Variants in PACS1 observed in about 807,000 individuals in gnomAD.
PACS1 encodes phosphofurin acidic cluster sorting protein 1.
In PACS1, 24 loss-of-function variants were observed where a neutral mutation model predicts 115.0. The ratio of observed to expected loss-of-function variants is 0.21; its 90% CI spans 0.15 to 0.29. The LOEUF (loss-of-function observed/expected upper bound fraction) is 0.29, where lower values mean the gene tolerates loss of function less well. PACS1 is among the 10% of genes least tolerant of loss of function. The probability of loss-of-function intolerance (pLI) is 1.00; values close to 1 mark genes in which losing one functional copy is unlikely to be tolerated. For synonymous variants in PACS1, 453 were observed against 504.5 expected (o/e 0.90, Z 1.37); for missense variants, 838 against 1,251.2 (o/e 0.67, Z 4.98).
chr11:66,157,727 C>G (rs1859392425), intron 1 of PACS1, among the ~76,000 whole-genome samples: 1 of 152,064 alleles, frequency 6.6e-6, no homozygotes, highest in African/African-American at 2.4e-5. Flanking sequence ...TCTCTGCCCA[C>G]CAAGACATTG....
At chr11:66,151,145 G>A (rs1331579957) in intron 1 of PACS1, among the ~76,000 whole-genome samples, 1 of 151,946 alleles carries the variant, frequency 6.6e-6, no homozygotes, top group African/African-American at 2.4e-5. Flanking sequence ...ATCCCAGGGA[G>A]CCCAGCAAGA....
At chr11:66,222,939 C>T (rs1163904192) in intron 10 of PACS1, among the ~76,000 whole-genome samples, 5 of 151,884 alleles carry the variant, frequency 3.3e-5, no homozygotes, top group Non-Finnish European at 5.9e-5. Context: ...AAACTGCAGC[C>T]CAAACAGACT....
Position 66,202,726 on chromosome 11 carries a change from G to GAAAAAA in PACS1, c.445-7624_445-7619dup, listed in dbSNP as rs55677222. 1.4e-3 allele frequency among the ~76,000 whole-genome samples: 15 copies of GAAAAAA among 10,950 alleles called. 1 individual carries two copies. The highest frequency in any genetic ancestry group is 7.4e-3 in the East Asian group (2 of 272). 7.2% of individuals were successfully genotyped at this position (10,950 alleles called of 152,430 possible). ...CAACATGGCAAAACCTCATCTCTAG[G>GAAAAAA]AAAAAAAAAAAAAAAAATATATATA... On this transcript the variant is annotated intron_variant, in intron 2 of 23. Coordinates refer to ENST00000320580, the MANE Select transcript of PACS1 (RefSeq NM_018026.4).
In PACS1 at chr11:66,221,216, A is replaced by C; in HGVS notation, c.1262A>C (p.Lys421Thr). 6.2e-7 allele frequency: 1 copy of C among 1,614,222 alleles called. No homozygotes were observed. The highest frequency in any genetic ancestry group is 8.5e-7 in the Non-Finnish European group (1 of 1,180,034). ...ACGGAGATTGGCAGCCTCAACAGCAAAGGCAGCCTCGGAAAAGACACCACC... is the reference window on the plus strand; with the variant it reads ...ACGGAGATTGGCAGCCTCAACAGCACAGGCAGCCTCGGAAAAGACACCACC... ...SQTEIGSLNS[K>T]GSLGKDTTSP... is the part of the protein sequence containing the mutation. The change falls in exon 10 of 24, where the codon AAA (lysine) becomes ACA (threonine). Residue 421 changes from lysine (K) to threonine (T), a missense_variant. Physicochemically the swap from Lys to Thr is moderately conservative, Grantham distance 78. This residue lies in a region of PACS1 where 383 missense variants were observed against 537.0 expected (regional missense o/e 0.71). Coordinates refer to ENST00000320580, the MANE Select transcript of PACS1 (RefSeq NM_018026.4).
In PACS1 at chr11:66,193,587, G is replaced by T; in HGVS notation, c.444+14G>T. ...GTGAAGCTGCAGGTGAGTGGGGCAG[G>T]ACTGTTTGTTCAGGGCCCAGGGAAG... is the stretch of plus-strand genomic sequence containing the variant. On this transcript the variant is annotated intron_variant, in intron 2 of 23. Coordinates refer to ENST00000320580, the MANE Select transcript of PACS1 (RefSeq NM_018026.4). The T allele has an allele frequency of 6.3e-7, 1 of 1,598,696 alleles. No individual in the cohort carries two copies. The highest frequency in any genetic ancestry group is 1.1e-5 in the South Asian group (1 of 90,664).
intron 1 of PACS1, among the ~76,000 whole-genome samples, chr11:66,082,103 A>C (rs1422198923): frequency 6.6e-6 from 1 of 152,240 alleles, no homozygotes; most frequent in East Asian, 1.9e-4. Context: ...TATAAAACAC[A>C]GATTAACATT....
intron 1 of PACS1, among the ~76,000 whole-genome samples, chr11:66,157,886 A>G (rs563652952): frequency 6.6e-6 from 1 of 151,356 alleles, no homozygotes; most frequent in African/African-American, 2.4e-5. Context: ...GAATTTCCTT[A>G]TCCCATCACA....
intron 1 of PACS1, among the ~76,000 whole-genome samples, chr11:66,172,511 C>T (rs1418790587): frequency 2.0e-5 from 3 of 152,200 alleles, no homozygotes; most frequent in Non-Finnish European, 4.4e-5. Context: ...TCCCTGTCAA[C>T]TGCCAGTACA....
intron 1 of PACS1, among the ~76,000 whole-genome samples, chr11:66,131,765 G>A (rs1229174651): frequency 2.0e-5 from 3 of 150,120 alleles, no homozygotes; most frequent in Admixed American, 2.0e-4. Context: ...CCATCTCTAT[G>A]TAAAAAAAAA....
At position 66,216,527 on chromosome 11, in the gene PACS1, T is replaced by G. The variant is rs1855213230; in HGVS notation, c.813T>G (p.Ser271=). The change falls in exon 6 of 24, where the codon TCT becomes TCG. Residue 271 remains serine, a synonymous_variant. Coordinates refer to ENST00000320580, the MANE Select transcript of PACS1 (RefSeq NM_018026.4). ...EGIKSKLSDR[S]PDIDNYSEEE... ...CTCAGGTGTCTGTTGCAGATCGTTC[T>G]CCTGATATTGACAATTATTCTGAGG... 2 of 1,613,382 alleles carry G rather than the reference T, an allele frequency of 1.2e-6. No homozygotes were observed. Among genetic ancestry groups the G allele is most frequent in the African/African-American group, 1.3e-5 (1 of 74,924 alleles).
rs1313491435 is a variant in PACS1 at position 66,230,799 on chromosome 11, T to C, written c.1491-6T>C. On this transcript the variant is annotated splice_region_variant and splice_polypyrimidine_tract_variant and intron_variant, in intron 12 of 23. Transcript: ENST00000320580. Reference sequence around the variant, plus strand: ...TTTCACCAGCCTTTTTCCACCTCCCTGGCAGCAAAGTGGAGGGGGTGCACA... The same window carrying C: ...TTTCACCAGCCTTTTTCCACCTCCCCGGCAGCAAAGTGGAGGGGGTGCACA... The C allele has an allele frequency of 6.2e-7, 1 of 1,614,088 alleles. No homozygotes were observed. Among genetic ancestry groups the C allele is most frequent in the Middle Eastern group, 1.6e-4 (1 of 6,062 alleles).
intron 1 of PACS1, among the ~76,000 whole-genome samples, chr11:66,155,482 T>C (rs1353677104): frequency 6.6e-6 from 1 of 152,178 alleles, no homozygotes; most frequent in Non-Finnish European, 1.5e-5. Flanking sequence ...GGCCAGGAGC[T>C]ACATAAAATA....
chr11:66,219,888 C>T, intron 8 of PACS1, 83 bp downstream of exon 8: 1 of 966,030 alleles, frequency 1.0e-6, no homozygotes. Context: ...CTCTGTATTG[C>T]CACTGAGAGT....
chr11:66,230,137 AAAAAAAAAAAAAAAAAG>A (rs1391326319), intron 11 of PACS1, among the ~76,000 whole-genome samples: 13 of 1,028 alleles, frequency 0.013, no homozygotes, highest in South Asian at 0.33. Context: ...AATGGGGCTA[AAAAAAAAAAAAAAAAAG>A]AAAAAAAAAA....
Position 66,121,666 on chromosome 11 carries a change from A to G in PACS1, c.356+50824A>G, listed in dbSNP as rs1371384391. 2.6e-5 allele frequency among the ~76,000 whole-genome samples: 4 copies of G among 152,228 alleles called. No individual in the cohort carries two copies. The East Asian group carries it at 5.8e-4, about 22-fold the overall frequency. On this transcript the variant is annotated intron_variant, in intron 1 of 23. Transcript: ENST00000320580. ...ACAACCTTATTGCTGATGTGGAGAAAGTTTCAGTGATCTGGACAGAAGATC... is the reference window on the plus strand; with the variant it reads ...ACAACCTTATTGCTGATGTGGAGAAGGTTTCAGTGATCTGGACAGAAGATC...
chr11:66,104,942 ATAAG>A (rs1282716972), intron 1 of PACS1, among the ~76,000 whole-genome samples: 1 of 152,208 alleles, frequency 6.6e-6, no homozygotes, highest in Admixed American at 6.5e-5. Flanking sequence ...TAATTGTTGA[ATAAG>A]TAAGCAAATA....
intron 1 of PACS1, among the ~76,000 whole-genome samples, chr11:66,184,160 G>T (rs968979024): frequency 6.6e-6 from 1 of 151,642 alleles, no homozygotes; most frequent in South Asian, 2.1e-4. Context: ...TATTAGAAGG[G>T]TATTAGCCGG....
intron 1 of PACS1, among the ~76,000 whole-genome samples, chr11:66,108,670 TG>T (rs1858111826): frequency 6.6e-6 from 1 of 151,822 alleles, no homozygotes; most frequent in East Asian, 1.9e-4. Flanking sequence ...GAGGCTGAAG[TG>T]GGAGGATCAC....
intron 1 of PACS1, among the ~76,000 whole-genome samples, chr11:66,173,015 G>A (rs1043255671): frequency 6.7e-6 from 1 of 149,616 alleles, no homozygotes; most frequent in Non-Finnish European, 1.5e-5. Flanking sequence ...TTGTTACACA[G>A]CAGTAATTAA....
Sources: gnomAD v4.1 joint callset for allele counts (sites outside exome capture counted in the v4.1 genomes callset) on GRCh38, gnomAD v4.1.1 for gene constraint, gnomAD v4.1.1 regional missense constraint, MANE v1.5 for transcripts, NCBI Gene and HGNC (gene_info 2026-07-23, HGNC 2026-07-21) for gene names.